The following MAD1L1 variants were observed in gnomAD, a reference collection of about 807,000 sequenced individuals.
MAD1L1 encodes the protein mitotic spindle assembly checkpoint protein MAD1.
A neutral mutation model predicts 96.9 loss-of-function variants in MAD1L1; 95 were observed. The observed-to-expected ratio is 0.98, with a 90% CI of 0.83 to 1.16. The LOEUF (loss-of-function observed/expected upper bound fraction) is 1.16, where lower values mean the gene tolerates loss of function less well. Ranked by LOEUF, MAD1L1 falls within the 50% of genes most tolerant of loss-of-function variation. The probability of loss-of-function intolerance (pLI) is 0.00; values close to 1 mark genes in which losing one functional copy is unlikely to be tolerated. For synonymous variants in MAD1L1, 473 were observed against 396.6 expected, an observed-to-expected ratio of 1.19 and a Z score of -2.29; for missense variants, 1,007 against 954.4, an observed-to-expected ratio of 1.06 and a Z score of -0.73.
At position 2,217,947 on chromosome 7, in the gene MAD1L1, CAG is replaced by C; in HGVS notation, c.678+13_678+14del. 6.2e-7 allele frequency: 1 copy of C among 1,608,084 alleles called. No individual in the cohort carries two copies. ...CACAGGGATGTCCACAAGGCACTGA[CAG>C]GGAGTGACTCACCTTAATCTGCTGC... On this transcript the variant is annotated intron_variant, in intron 7 of 18. Coordinates refer to ENST00000265854, the MANE Select transcript of MAD1L1 (RefSeq NM_001013836.2).
chr7:2,222,539 GA>G, intron 5 of MAD1L1, 35 bp downstream of exon 5: 1 of 1,511,818 alleles, frequency 6.6e-7, no homozygotes, highest in Non-Finnish European at 8.8e-7. Context: ...CTCTCCTCGG[GA>G]AAACAGCTCC....
rs533967170 is a variant in MAD1L1, at chr7:1,906,574, GT to G, written c.1808-8185del. ...TTTCCTGCAGGGCACAGATTGTGGC[GT>G]CCACAGAGCTGTTTGAGATGCCTGG... On this transcript the variant is annotated intron_variant, in intron 17 of 18. Coordinates refer to ENST00000265854, the MANE Select transcript of MAD1L1 (RefSeq NM_001013836.2). Among the ~76,000 whole-genome samples the G allele has an allele frequency of 4.1e-4, 62 of 152,320 alleles. 2 individuals are homozygous for G. In the East Asian group the frequency reaches 0.011, roughly 27 times the overall value.
chr7:1,820,224 A>G (rs557530657), intron 18 of MAD1L1, among the ~76,000 whole-genome samples: 1 of 152,256 alleles, frequency 6.6e-6, no homozygotes, highest in Non-Finnish European at 1.5e-5. Context: ...AATAAAAAAG[A>G]GAACAGAATG....
At chr7:2,116,874 A>G (rs975086222) in intron 11 of MAD1L1, among the ~76,000 whole-genome samples, 1 of 152,320 alleles carries the variant, frequency 6.6e-6, no homozygotes, top group African/African-American at 2.4e-5. Flanking sequence ...GTCCCAGGAG[A>G]TCCTGAAGTG....
chr7:2,213,039 C>A (rs1298939054), intron 10 of MAD1L1, among the ~76,000 whole-genome samples, 173 bp downstream of exon 10: 1 of 152,244 alleles, frequency 6.6e-6, no homozygotes, highest in South Asian at 2.1e-4. Flanking sequence ...GGTTCCACTG[C>A]CCCATCCGCT....
chr7:2,204,970 T>G (rs1443476532), intron 10 of MAD1L1, among the ~76,000 whole-genome samples: 4 of 152,156 alleles, frequency 2.6e-5, no homozygotes, highest in African/African-American at 9.7e-5. Flanking sequence ...GCCATTTTAT[T>G]GGGTGCCCAG....
chr7:2,135,058 C>G (rs543719450), intron 11 of MAD1L1, among the ~76,000 whole-genome samples: 3 of 152,186 alleles, frequency 2.0e-5, no homozygotes, highest in Non-Finnish European at 4.4e-5. Context: ...AAAAAACACC[C>G]CCTACAATCT....
chr7:2,220,553 G>T (rs1199987925), intron 5 of MAD1L1, among the ~76,000 whole-genome samples: 1 of 152,212 alleles, frequency 6.6e-6, no homozygotes, highest in Non-Finnish European at 1.5e-5. Flanking sequence ...CCCAGGACAG[G>T]ACAATGGCAA....
At chr7:1,917,982 G>A (rs1788519870) in intron 17 of MAD1L1, among the ~76,000 whole-genome samples, 1 of 152,182 alleles carries the variant, frequency 6.6e-6, no homozygotes, top group Non-Finnish European at 1.5e-5. Context: ...CAGCAGACTA[G>A]ATGTGGGGCT....
At chr7:1,901,894 C>A (rs1410569120) in intron 17 of MAD1L1, among the ~76,000 whole-genome samples, 3 of 152,220 alleles carry the variant, frequency 2.0e-5, no homozygotes, top group African/African-American at 7.2e-5. Flanking sequence ...GCCCCTCCTC[C>A]ACACCCCTGG....
intron 18 of MAD1L1, 110 bp downstream of exon 18, chr7:1,898,090 C>A (rs1786998089): frequency 8.5e-7 from 1 of 1,175,402 alleles, no homozygotes; most frequent in African/African-American, 1.5e-5. Flanking sequence ...CCCTCCACAC[C>A]ATCCCCTTTG....
At chr7:2,047,855 A>G (rs1236008132) in intron 12 of MAD1L1, among the ~76,000 whole-genome samples, 2 of 152,154 alleles carry the variant, frequency 1.3e-5, no homozygotes, top group Admixed American at 1.3e-4. Context: ...ACAATCACAC[A>G]CGTGCACTCA....
intron 17 of MAD1L1, among the ~76,000 whole-genome samples, chr7:1,918,039 G>A (rs1033388258): frequency 6.6e-6 from 1 of 152,088 alleles, no homozygotes; most frequent in East Asian, 1.9e-4. Flanking sequence ...TGAATCGTGG[G>A]CCCACATATC....
At chr7:2,154,129 C>A (rs1789709753) in intron 10 of MAD1L1, among the ~76,000 whole-genome samples, 1 of 152,204 alleles carries the variant, frequency 6.6e-6, no homozygotes, top group South Asian at 2.1e-4. Context: ...GCACTCCAGC[C>A]TGGCAACAGA....
intron 12 of MAD1L1, among the ~76,000 whole-genome samples, chr7:2,038,217 G>A (rs891955239): frequency 6.6e-6 from 1 of 152,140 alleles, no homozygotes; most frequent in Non-Finnish European, 1.5e-5. Flanking sequence ...TAGCAGAGGT[G>A]GGTTCATGAG....
At chr7:2,148,436 C>T (rs1789416003) in intron 11 of MAD1L1, 1 of 152,958 alleles carries the variant, frequency 6.5e-6, no homozygotes, top group Admixed American at 6.5e-5. Flanking sequence ...GGTAGCTCCA[C>T]CTTCTGGTCA....
intron 12 of MAD1L1, among the ~76,000 whole-genome samples, chr7:2,026,262 G>A (rs1782991127): frequency 6.6e-6 from 1 of 152,086 alleles, no homozygotes; most frequent in South Asian, 2.1e-4. Flanking sequence ...AAATTCACCA[G>A]GAAGATAATT....
intron 10 of MAD1L1, chr7:2,210,168 G>C (rs2114979378): frequency 6.6e-6 from 1 of 152,370 alleles, no homozygotes; most frequent in Admixed American, 6.5e-5. Context: ...CTCCTCCTGG[G>C]CTCAGGTGAT....
chr7:1,843,350 T>C (rs905674287), intron 18 of MAD1L1, among the ~76,000 whole-genome samples: 1 of 152,070 alleles, frequency 6.6e-6, no homozygotes, highest in African/African-American at 2.4e-5. Flanking sequence ...CCCGGGGAGC[T>C]CCTGCGCAGA....
Sources: allele counts gnomAD v4.1 joint callset (sites outside exome capture counted in the v4.1 genomes callset), GRCh38; gene constraint gnomAD v4.1.1; transcripts MANE v1.5; gene names NCBI Gene and HGNC (gene_info 2026-07-23, HGNC 2026-07-21).